DLGAP2: variants seen among roughly 807,000 people sequenced by gnomAD.
DLGAP2 encodes DLG associated protein 2.
In DLGAP2, 26 loss-of-function variants were observed where a neutral mutation model predicts 100.3. That is an observed-to-expected ratio of 0.26 (90% confidence interval 0.19 to 0.36). The LOEUF (loss-of-function observed/expected upper bound fraction) is 0.36, where lower values mean the gene tolerates loss of function less well. Among genes scored for constraint, DLGAP2 ranks in the 10% least tolerant of loss-of-function variants. DLGAP2 has a pLI of 1.00. For synonymous variants in DLGAP2, 886 were observed against 630.1 expected (o/e 1.41, Z -6.08); for missense variants, 1,858 against 1,453.2 (o/e 1.28, Z -4.53).
At chr8:771,892 T>C (rs1281156368) in intron 1 of DLGAP2, among the ~76,000 whole-genome samples, 3 of 152,224 alleles carry the variant, frequency 2.0e-5, no homozygotes, top group Non-Finnish European at 4.4e-5. Flanking sequence ...TCTAGGCTCA[T>C]CTGCAATTTT....
At chr8:1,661,523 C>A (rs1447797372) in intron 8 of DLGAP2, among the ~76,000 whole-genome samples, 1 of 152,136 alleles carries the variant, frequency 6.6e-6, no homozygotes, top group Non-Finnish European at 1.5e-5. Flanking sequence ...ATCTCCCTGG[C>A]AAACTAAAAT....
chr8:1,524,219 T>G (rs1015151745), intron 4 of DLGAP2, among the ~76,000 whole-genome samples: 2 of 152,028 alleles, frequency 1.3e-5, no homozygotes, highest in Admixed American at 6.6e-5. Context: ...CCAGAGCCCA[T>G]CTGAGAGGCC....
intron 2 of DLGAP2, among the ~76,000 whole-genome samples, chr8:1,206,254 T>A (rs1797986913): frequency 6.6e-6 from 1 of 152,126 alleles, no homozygotes; most frequent in South Asian, 2.1e-4. Flanking sequence ...CACTGGGCAC[T>A]CCTGCAGCTC....
chr8:1,062,441 C>T (rs1432713493), intron 2 of DLGAP2, among the ~76,000 whole-genome samples: 7 of 149,134 alleles, frequency 4.7e-5, no homozygotes, highest in African/African-American at 9.9e-5. Context: ...ACGCCTCCTG[C>T]GCTCGGCGTT....
intron 6 of DLGAP2, among the ~76,000 whole-genome samples, chr8:1,609,865 C>T (rs915681512): frequency 1.2e-4 from 18 of 149,474 alleles, no homozygotes; most frequent in African/African-American, 1.7e-4. Context: ...GCACCCAATA[C>T]GGGAGCACCC....
intron 6 of DLGAP2, among the ~76,000 whole-genome samples, chr8:1,626,504 GTCGTT>G: frequency 6.7e-6 from 1 of 149,772 alleles, no homozygotes; most frequent in South Asian, 2.2e-4. Flanking sequence ...GGGTTGGACG[GTCGTT>G]CCCATCTCTA....
At chr8:1,149,124 A>G (rs1278961587) in intron 2 of DLGAP2, among the ~76,000 whole-genome samples, 2 of 149,956 alleles carry the variant, frequency 1.3e-5, no homozygotes, top group African/African-American at 4.9e-5. Flanking sequence ...AAAATTCACT[A>G]TTTTATCATT....
In DLGAP2 at chr8:864,533, G is replaced by A. The variant is rs546650213; in HGVS notation, c.19-43379G>A. ...ATCTTTTGGCCAGAAAAATATATAA[G>A]GCCAATCTCTGCAGTGGTTTTGGGA... On this transcript the variant is annotated intron_variant, in intron 1 of 14. Transcript: ENST00000637795. 2.6e-5 allele frequency among the ~76,000 whole-genome samples: 4 copies of A among 152,252 alleles called. No homozygotes were observed. The South Asian group carries it at 6.2e-4, about 24-fold the overall frequency.
At chr8:1,379,824 TC>T (rs1280168489) in intron 3 of DLGAP2, 1 of 151,342 alleles carries the variant, frequency 6.6e-6, no homozygotes, top group South Asian at 2.1e-4. Flanking sequence ...TCTGCTGATT[TC>T]GGGGTGTCCT....
intron 2 of DLGAP2, among the ~76,000 whole-genome samples, chr8:1,239,954 C>T (rs1287705846): frequency 7.0e-6 from 1 of 143,868 alleles, no homozygotes; most frequent in Non-Finnish European, 1.5e-5. Flanking sequence ...GTTGCCGTGT[C>T]TAGTTCTCTC....
chr8:1,271,021 C>T (rs1038216692), intron 3 of DLGAP2, among the ~76,000 whole-genome samples: 5 of 152,110 alleles, frequency 3.3e-5, no homozygotes, highest in African/African-American at 7.2e-5. Flanking sequence ...ATTGTAATGA[C>T]GGATGACCCA....
chr8:885,260 A>T (rs186419903), intron 1 of DLGAP2, among the ~76,000 whole-genome samples: 4 of 152,202 alleles, frequency 2.6e-5, no homozygotes, highest in Admixed American at 1.3e-4. Context: ...ATCCATGAGG[A>T]TGGAATGTTT....
intron 8 of DLGAP2, among the ~76,000 whole-genome samples, chr8:1,639,788 C>T (rs965182735): frequency 3.9e-5 from 6 of 152,216 alleles, no homozygotes; most frequent in African/African-American, 4.8e-5. Context: ...TCTCTGCCGT[C>T]CTTGGCTGCG....
At chr8:969,132 C>G (rs1799952203) in intron 2 of DLGAP2, among the ~76,000 whole-genome samples, 1 of 152,144 alleles carries the variant, frequency 6.6e-6, no homozygotes, top group East Asian at 1.9e-4. Context: ...AAGCAGACCT[C>G]TCCCCAGGGG....
At chr8:954,593 G>T (rs573561365) in intron 2 of DLGAP2, among the ~76,000 whole-genome samples, 53 of 152,260 alleles carry the variant, frequency 3.5e-4, no homozygotes, top group Admixed American at 1.6e-3. Context: ...ATCCCATAGA[G>T]AATAAAAAGC....
chr8:1,342,297 C>A (rs1801435362), intron 3 of DLGAP2, among the ~76,000 whole-genome samples: 1 of 152,288 alleles, frequency 6.6e-6, no homozygotes. Flanking sequence ...GGATTGCAAA[C>A]CTCCCAACCT....
In DLGAP2 at chr8:1,680,006, G is replaced by A. The variant is rs1030026012; in HGVS notation, c.2704+1377G>A. 1.0e-3 allele frequency among the ~76,000 whole-genome samples: 120 copies of A among 120,440 alleles called. 1 individual carries two copies. The highest frequency in any genetic ancestry group is 9.3e-3 in the South Asian group (32 of 3,428). The allele number at this position is 120,440 out of a possible 152,430, so 79.0% of individuals were successfully genotyped here. On this transcript the variant is annotated intron_variant, in intron 12 of 14. Coordinates refer to ENST00000637795, the MANE Select transcript of DLGAP2 (RefSeq NM_001346810.2). ...AAAAAAAAAAAAAAAAAAAAAAAGA[G>A]CTCAGAAGCAGCACCCATTATAAAT...
chr8:1,379,343 A>G (rs1796037284), intron 3 of DLGAP2, among the ~76,000 whole-genome samples: 1 of 152,218 alleles, frequency 6.6e-6, no homozygotes, highest in Non-Finnish European at 1.5e-5. Context: ...TTGCTAAGTC[A>G]TGTCCCTGGC....
At chr8:1,281,842 T>A (rs1799820069) in intron 3 of DLGAP2, among the ~76,000 whole-genome samples, 1 of 152,204 alleles carries the variant, frequency 6.6e-6, no homozygotes, top group Non-Finnish European at 1.5e-5. Context: ...ATTTGCGACG[T>A]GGCTCCACCA....
Sources: gnomAD v4.1 joint callset for allele counts (sites outside exome capture counted in the v4.1 genomes callset) on GRCh38, gnomAD v4.1.1 for gene constraint, MANE v1.5 for transcripts, NCBI Gene and HGNC (gene_info 2026-07-23, HGNC 2026-07-21) for gene names.